The following NGLY1 variants were observed in gnomAD, a reference collection of about 807,000 sequenced individuals.
NGLY1 encodes peptide-N(4)-(N-acetyl-beta-glucosaminyl)asparagine amidase.
In NGLY1, 68 loss-of-function variants were observed where a neutral mutation model predicts 84.6. The ratio of observed to expected loss-of-function variants is 0.80; its 90% CI spans 0.66 to 0.98. The LOEUF (loss-of-function observed/expected upper bound fraction) is 0.98, where lower values mean the gene tolerates loss of function less well. Ranked by LOEUF, NGLY1 falls within the 50% of genes least tolerant of loss-of-function variation. The pLI is 0.00. For missense variants in NGLY1, 779 were observed against 770.2 expected, an observed-to-expected ratio of 1.01 and a Z score of -0.14; for synonymous variants, 280 against 275.2, an observed-to-expected ratio of 1.02 and a Z score of -0.17.
At position 25,729,308 on chromosome 3, in the gene NGLY1, G is replaced by T. The variant is rs564037973; in HGVS notation, c.1436C>A (p.Thr479Asn). ...RGEMGLQRKETLFIPCENEKI... is the reference protein window; with the variant it reads ...RGEMGLQRKENLFIPCENEKI... ...CTCATTTTCACAGGGAATAAACAAG[G>T]TTTCTTTTCTCTTAAAAAGAAAGCA... Residue 479 changes from threonine (T) to asparagine (N), a missense_variant, in exon 10 of 12, where the codon ACC (threonine) becomes AAC (asparagine). Physicochemically the swap from Thr to Asn is moderately conservative, Grantham distance 65. Transcript: ENST00000280700. 10 of 1,387,146 alleles carry T rather than the reference G, an allele frequency of 7.2e-6. No homozygotes were observed. The highest frequency in any genetic ancestry group is 2.7e-5 in the East Asian group (1 of 36,996). 85.9% of individuals were successfully genotyped at this position (1,387,146 alleles called of 1,614,324 possible).
rs1006571126 is a variant in NGLY1, at chr3:25,729,262, G to A, written c.1482C>T (p.His494=). The part of the protein sequence containing the change: ...CENEKISKQL[H]LCYNIVKDRY... ...GATCTTTCACAATATTGTAACAAAG[G>A]TGGAGCTGTTTAGAAATCTTCTCAT... is the stretch of plus-strand genomic sequence containing the variant. Residue 494 remains histidine (H), a synonymous_variant, in exon 10 of 12, where the codon CAC becomes CAT. Coordinates refer to ENST00000280700, the MANE Select transcript of NGLY1 (RefSeq NM_018297.4). 1 of 1,537,394 alleles carries A rather than the reference G, an allele frequency of 6.5e-7. No homozygotes were observed. Among genetic ancestry groups the A allele is most frequent in the South Asian group, 1.3e-5 (1 of 78,040 alleles).
chr3:25,724,347 A>C (rs1705150203), intron 10 of NGLY1, among the ~76,000 whole-genome samples: 1 of 152,222 alleles, frequency 6.6e-6, no homozygotes, highest in South Asian at 2.1e-4. Flanking sequence ...GCTGTATTTC[A>C]AGGAATCTCA....
chr3:25,788,733 A>G (rs1708656508), intron 1 of NGLY1, among the ~76,000 whole-genome samples: 1 of 152,250 alleles, frequency 6.6e-6, no homozygotes, highest in African/African-American at 2.4e-5. Context: ...ATCAAGTGTT[A>G]CTTTATAACC....
chr3:25,771,796 A>G (rs1473290615), intron 2 of NGLY1, among the ~76,000 whole-genome samples: 1 of 151,896 alleles, frequency 6.6e-6, no homozygotes, highest in African/African-American at 2.4e-5. Context: ...TATTGCAGCA[A>G]TTGTAAAAGG....
intron 6 of NGLY1, 53 bp from the exon 7 acceptor site, chr3:25,736,202 T>C (rs1459439276): frequency 1.3e-6 from 2 of 1,591,010 alleles, no homozygotes; most frequent in Non-Finnish European, 8.6e-7. Context: ...GAAATCAGAA[T>C]GACTTTCAAT....
In NGLY1 at chr3:25,745,848, C is replaced by T. The variant is rs976408122; in HGVS notation, c.658+5250G>A. 6.6e-5 allele frequency among the ~76,000 whole-genome samples: 10 copies of T among 152,114 alleles called. No homozygotes were observed. In the East Asian group the frequency reaches 1.5e-3, roughly 23 times the overall value. ...AGTCAATCCTGCTGAATTACCTATT[C>T]GAGAACACCTGAGAAATTATTTTCT... On this transcript the variant is annotated intron_variant, in intron 4 of 11. Transcript: ENST00000280700.
upstream of NGLY1, among the ~76,000 whole-genome samples, chr3:25,787,529 C>T (rs1482352493): frequency 2.6e-5 from 4 of 152,126 alleles, no homozygotes; most frequent in South Asian, 8.3e-4. Flanking sequence ...ATTCTAAAGT[C>T]AAATGGTGTC....
At chr3:25,719,666 T>C (rs761763065) in intron 11 of NGLY1, 31 bp from the exon 12 acceptor site, 1 of 1,580,042 alleles carries the variant, frequency 6.3e-7, no homozygotes, top group Admixed American at 1.8e-5. Flanking sequence ...ATTAACATTT[T>C]GCTTTTGGTA....
chr3:25,761,281 G>A (rs1575647087), intron 3 of NGLY1, among the ~76,000 whole-genome samples: 1 of 152,178 alleles, frequency 6.6e-6, no homozygotes, highest in Middle Eastern at 3.4e-3. Context: ...ATTTTCAACC[G>A]AGATAAAGTT....
chr3:25,768,236 A>G (rs1318371873), intron 2 of NGLY1, among the ~76,000 whole-genome samples: 1 of 151,472 alleles, frequency 6.6e-6, no homozygotes, highest in Non-Finnish European at 1.5e-5. Context: ...CAGCCTGGCC[A>G]ACATGGTGAA....
chr3:25,755,178 T>C, intron 3 of NGLY1: 3 of 1,280,208 alleles, frequency 2.3e-6, no homozygotes, highest in Non-Finnish European at 3.4e-6. Flanking sequence ...TTTACCTCTC[T>C]TCCCCCAAGA....
intron 9 of NGLY1, chr3:25,730,640 T>C (rs1705494132): frequency 6.6e-6 from 1 of 152,176 alleles, no homozygotes; most frequent in South Asian, 2.1e-4. Context: ...ATTTGTTGAA[T>C]TTGGATCTTG....
intron 4 of NGLY1, among the ~76,000 whole-genome samples, chr3:25,741,517 G>C (rs1429303196): frequency 6.6e-6 from 1 of 151,892 alleles, no homozygotes; most frequent in African/African-American, 2.4e-5. Context: ...AAGTTTATAG[G>C]TGAGTATGTT....
upstream of NGLY1, chr3:25,783,490 G>A: frequency 2.6e-6 from 3 of 1,169,426 alleles, no homozygotes; most frequent in Non-Finnish European, 3.2e-6. This position sits in a 1 kb window ranked among gnomAD's most constrained non-coding sequence, Gnocchi z 4.5. Context: ...ACCGGCAGGG[G>A]CGGGGTCCTC....
chr3:25,739,851 C>A, intron 4 of NGLY1, 52 bp from the exon 5 acceptor site: 1 of 1,338,368 alleles, frequency 7.5e-7, no homozygotes, highest in Admixed American at 1.8e-5. Flanking sequence ...AAAATTTAAA[C>A]TATCCAAACA....
At chr3:25,772,395 T>G (rs958155830) in intron 2 of NGLY1, among the ~76,000 whole-genome samples, 1 of 152,244 alleles carries the variant, frequency 6.6e-6, no homozygotes, top group East Asian at 1.9e-4. Flanking sequence ...TATCATTAAA[T>G]AATGCCCCCC....
At position 25,739,561 on chromosome 3, in the gene NGLY1, C is replaced by T; in HGVS notation, c.881+16G>A. The stretch of plus-strand genomic sequence containing the variant: ...CATTAAGAGATTATTCTGATTTTAC[C>T]ATCCAGGGCACCCACCTTGGGAATC... On this transcript the variant is annotated intron_variant, in intron 5 of 11. Transcript: ENST00000280700. 8 of 1,609,746 alleles carry T rather than the reference C, an allele frequency of 5.0e-6. No individual in the cohort carries two copies. The highest frequency in any genetic ancestry group is 6.8e-6 in the Non-Finnish European group (8 of 1,176,992).
In NGLY1 at chr3:25,751,114, A is replaced by G. The variant is rs781344542; in HGVS notation, c.642T>C (p.Ala214=). ...KRKSQEKLSR[A]RKLDKGINIS... is the part of the protein sequence containing the mutation. ...AGCTACTACCTTTATCCAATTTTCT[A>G]GCTCTCGATAACTTTTCTTGTGATT... Residue 214 remains alanine, a synonymous_variant, in exon 4 of 12, where the codon GCT becomes GCC. Coordinates refer to ENST00000280700, the MANE Select transcript of NGLY1 (RefSeq NM_018297.4). 32 of 1,612,146 alleles carry G rather than the reference A, an allele frequency of 2.0e-5. No individual in the cohort carries two copies. In the Middle Eastern group the frequency reaches 5.0e-4, roughly 25 times the overall value.
chr3:25,789,933 GC>G (rs1417136778), exon 1 of NGLY1: 5 of 1,542,360 alleles, frequency 3.2e-6, no homozygotes, highest in Non-Finnish European at 4.4e-6. Flanking sequence ...CTCTGCTCAC[GC>G]AAACAGCTAC....
Sources: allele counts gnomAD v4.1 joint callset (sites outside exome capture counted in the v4.1 genomes callset), GRCh38; gene constraint gnomAD v4.1.1; non-coding constraint Gnocchi (gnomAD v3.1); transcripts MANE v1.5; gene names NCBI Gene and HGNC (gene_info 2026-07-23, HGNC 2026-07-21).